SPON1: variants seen among roughly 807,000 people sequenced by gnomAD.
SPON1 encodes the protein spondin 1, also known as spondin-1.
In SPON1, 52 loss-of-function variants were observed where a neutral mutation model predicts 111.7. The ratio of observed to expected loss-of-function variants is 0.47; its 90% CI spans 0.37 to 0.59. The LOEUF (loss-of-function observed/expected upper bound fraction) is 0.59. Among genes scored for constraint, SPON1 ranks in the 20% least tolerant of loss-of-function variants. SPON1 has a pLI of 0.00. For synonymous variants in SPON1, 410 were observed against 395.8 expected, an observed-to-expected ratio of 1.04 and a Z score of -0.43; for missense variants, 957 against 1,068.5, an observed-to-expected ratio of 0.90 and a Z score of 1.46.
chr11:13,964,229 C>T (rs1847998196), intron 1 of SPON1, among the ~76,000 whole-genome samples: 1 of 152,252 alleles, frequency 6.6e-6, no homozygotes, highest in Non-Finnish European at 1.5e-5. Context: ...TCTGGCCTCA[C>T]CTTAGCTCCC....
Position 14,254,605 on chromosome 11 carries a change from G to A in SPON1, c.968G>A (p.Ser323Asn). ...LMSFLTMMGP[S>N]PDWNVGLSAE... ...TCCTTCCTGACCATGATGGGCCCTAGTCCCGACTGGAACGTAGGCTTATCT... is the reference window on the plus strand; with the variant it reads ...TCCTTCCTGACCATGATGGGCCCTAATCCCGACTGGAACGTAGGCTTATCT... Residue 323 changes from serine to asparagine, a missense_variant, in exon 8 of 16, where the codon AGT (serine) becomes AAT (asparagine). Around this residue, in one of 5 missense-constraint regions of SPON1, gnomAD observed 19 missense variants for 47.5 expected, o/e 0.40. Coordinates refer to ENST00000576479, the MANE Select transcript of SPON1 (RefSeq NM_006108.4). The A allele has an allele frequency of 6.2e-7, 1 of 1,614,016 alleles. No individual in the cohort carries two copies. Among genetic ancestry groups the A allele is most frequent in the Non-Finnish European group, 8.5e-7 (1 of 1,179,886 alleles).
intron 6 of SPON1, among the ~76,000 whole-genome samples, chr11:14,165,952 G>T (rs968953440): frequency 1.3e-5 from 2 of 152,208 alleles, no homozygotes; most frequent in South Asian, 2.1e-4. Context: ...GCATGGGTTT[G>T]TATCCTCAAA....
intron 6 of SPON1, among the ~76,000 whole-genome samples, chr11:14,205,838 A>G (rs1352765896): frequency 6.6e-6 from 1 of 152,150 alleles, no homozygotes; most frequent in Admixed American, 6.5e-5. Context: ...TGCTTCAGTC[A>G]AAGAGGTTCT....
chr11:14,180,264 T>C (rs1362129361), intron 6 of SPON1, among the ~76,000 whole-genome samples: 3 of 152,252 alleles, frequency 2.0e-5, no homozygotes, highest in Non-Finnish European at 4.4e-5. Context: ...GATTCCAAGA[T>C]AAACTTAAAT....
chr11:14,160,792 T>TTA (rs1564919488), intron 6 of SPON1, among the ~76,000 whole-genome samples: 18 of 49,790 alleles, frequency 3.6e-4, no homozygotes, highest in African/African-American at 1.2e-3. Context: ...TTATATATAT[T>TTA]TATATATTTT....
intron 6 of SPON1, among the ~76,000 whole-genome samples, chr11:14,146,122 A>G (rs905050153): frequency 6.6e-6 from 1 of 150,610 alleles, no homozygotes; most frequent in African/African-American, 2.4e-5. Context: ...GTATTGCTTG[A>G]ATTTTACCAT....
chr11:14,176,658 C>T (rs1288384250), intron 6 of SPON1, among the ~76,000 whole-genome samples: 1 of 152,178 alleles, frequency 6.6e-6, no homozygotes, highest in East Asian at 1.9e-4. Context: ...AGTTAAGGGA[C>T]ATCTCAGGAC....
intron 6 of SPON1, among the ~76,000 whole-genome samples, chr11:14,137,007 T>C (rs1007459111): frequency 9.2e-5 from 14 of 152,176 alleles, no homozygotes; most frequent in Admixed American, 2.6e-4. Context: ...TCAAGCTCCA[T>C]GGTGTGGAAT....
At chr11:14,062,911 G>T (rs539500791) in intron 3 of SPON1, among the ~76,000 whole-genome samples, 2 of 152,282 alleles carry the variant, frequency 1.3e-5, no homozygotes, top group South Asian at 4.2e-4. Flanking sequence ...CTCCAGGGAG[G>T]TCTGTTGTGC....
At chr11:14,061,852 A>G (rs1554919903) in intron 3 of SPON1, among the ~76,000 whole-genome samples, 1 of 152,202 alleles carries the variant, frequency 6.6e-6, no homozygotes, top group African/African-American at 2.4e-5. Flanking sequence ...AAACAACTTC[A>G]TTTTTATGCT....
At chr11:14,095,481 T>C (rs996698889) in intron 5 of SPON1, among the ~76,000 whole-genome samples, 1 of 152,100 alleles carries the variant, frequency 6.6e-6, no homozygotes. Context: ...TTGGCTCACA[T>C]GATTATGGAG....
intron 1 of SPON1, among the ~76,000 whole-genome samples, chr11:13,967,499 A>G (rs1170604868): frequency 2.0e-5 from 3 of 150,740 alleles, no homozygotes; most frequent in African/African-American, 7.3e-5. Context: ...GTTTGTGGGG[A>G]AACAAAAACA....
intron 2 of SPON1, among the ~76,000 whole-genome samples, chr11:14,028,059 T>G (rs1450416153): frequency 6.6e-6 from 1 of 152,214 alleles, no homozygotes; most frequent in Non-Finnish European, 1.5e-5. Context: ...GTTATTAGCT[T>G]TGGGGTCATG....
intron 6 of SPON1, among the ~76,000 whole-genome samples, chr11:14,189,120 G>T (rs922805692): frequency 7.9e-5 from 12 of 152,140 alleles, no homozygotes; most frequent in African/African-American, 2.9e-4. Flanking sequence ...AGAGTGGAAT[G>T]CACAAAGAGG....
At chr11:14,082,784 C>T (rs1554922167) in intron 5 of SPON1, among the ~76,000 whole-genome samples, 1 of 152,220 alleles carries the variant, frequency 6.6e-6, no homozygotes, top group African/African-American at 2.4e-5. Flanking sequence ...CTTTTTGCCA[C>T]TGCAAAGATG....
chr11:14,168,300 A>G (rs80130871), intron 6 of SPON1, among the ~76,000 whole-genome samples: 6 of 152,214 alleles, frequency 3.9e-5, no homozygotes, highest in African/African-American at 1.4e-4. Flanking sequence ...TATTTTACCA[A>G]TAATCCTTAA....
At chr11:14,063,220 T>C (rs1406046067) in intron 3 of SPON1, among the ~76,000 whole-genome samples, 1 of 152,180 alleles carries the variant, frequency 6.6e-6, no homozygotes, top group South Asian at 2.1e-4. Flanking sequence ...CAATTTGCAG[T>C]ACCTTGTTTC....
intron 6 of SPON1, among the ~76,000 whole-genome samples, chr11:14,214,981 A>AGAGT (rs1214295577): frequency 6.6e-6 from 1 of 152,242 alleles, no homozygotes; most frequent in African/African-American, 2.4e-5. Flanking sequence ...CAAGGTTAGT[A>AGAGT]GAGTGGCTCA....
chr11:14,095,788 C>G (rs1554923839), intron 5 of SPON1, among the ~76,000 whole-genome samples: 1 of 152,244 alleles, frequency 6.6e-6, no homozygotes, highest in African/African-American at 2.4e-5. Context: ...TGTATCACAT[C>G]TGGAAATCCT....
Sources: gnomAD v4.1 joint callset for allele counts (sites outside exome capture counted in the v4.1 genomes callset) on GRCh38, gnomAD v4.1.1 for gene constraint, gnomAD v4.1.1 regional missense constraint, MANE v1.5 for transcripts, NCBI Gene and HGNC (gene_info 2026-07-23, HGNC 2026-07-21) for gene names.